FGGY: variants seen among roughly 807,000 people sequenced by gnomAD.
The protein encoded by FGGY is FGGY carbohydrate kinase domain-containing protein.
A neutral mutation model predicts 71.3 loss-of-function variants in FGGY; 72 were observed. The ratio of observed to expected loss-of-function variants is 1.01; its 90% CI spans 0.84 to 1.23. The LOEUF (loss-of-function observed/expected upper bound fraction) is 1.23. FGGY is among the 50% of genes most tolerant of loss of function. The pLI is 0.00. For missense variants in FGGY, 668 were observed against 682.3 expected (o/e 0.98, Z 0.23); for synonymous variants, 251 against 250.3 (o/e 1.00, Z -0.02).
At chr1:59,546,519 TGATGATG>T (rs761883099) in intron 7 of FGGY, among the ~76,000 whole-genome samples, 16 of 146,002 alleles carry the variant, frequency 1.1e-4, no homozygotes, top group East Asian at 7.9e-4. Flanking sequence ...ATGATGATGA[TGATGATG>T]ATGATGATGA....
rs533524875 is a variant in FGGY at position 59,651,799 on chromosome 1, T to C, written c.1222-8420T>C. Among the ~76,000 whole-genome samples, 117 of 151,370 alleles carry C rather than the reference T, an allele frequency of 7.7e-4. 1 individual carries two copies. The highest frequency in any genetic ancestry group is 6.2e-3 in the Admixed American group (94 of 15,220). On this transcript the variant is annotated intron_variant, in intron 11 of 15. Coordinates refer to ENST00000303721, the MANE Select transcript of FGGY (RefSeq NM_018291.5). ...TGTGAATTTGATCCTGTCATTATGA[T>C]GTTAGCTGGTGATTTTGCTCGTTAG... is the stretch of plus-strand genomic sequence containing the variant.
intron 7 of FGGY, among the ~76,000 whole-genome samples, chr1:59,537,490 A>G (rs1325200240): frequency 6.6e-6 from 1 of 152,228 alleles, no homozygotes; most frequent in Admixed American, 6.5e-5. Flanking sequence ...AGAATTGGAA[A>G]AAACTACTTT....
chr1:59,591,912 T>C (rs1200546901), intron 8 of FGGY, among the ~76,000 whole-genome samples: 1 of 152,158 alleles, frequency 6.6e-6, no homozygotes, highest in Non-Finnish European at 1.5e-5. Context: ...CCAAAAGCAA[T>C]GGCAACAAAA....
intron 6 of FGGY, among the ~76,000 whole-genome samples, chr1:59,463,819 C>T (rs1321469568): frequency 1.3e-5 from 2 of 152,188 alleles, no homozygotes; most frequent in African/African-American, 2.4e-5. Flanking sequence ...AGCTAACTAT[C>T]CTAAATACAT....
chr1:59,714,854 A>G (rs2097831117), intron 14 of FGGY, among the ~76,000 whole-genome samples: 1 of 152,192 alleles, frequency 6.6e-6, no homozygotes, highest in Non-Finnish European at 1.5e-5. Flanking sequence ...CTTGTATTTG[A>G]CATATGAAAA....
chr1:59,705,656 C>A (rs1220768948), intron 14 of FGGY, among the ~76,000 whole-genome samples: 1 of 152,196 alleles, frequency 6.6e-6, no homozygotes, highest in East Asian at 1.9e-4. Context: ...AACCAGCTTC[C>A]TCTACTTACC....
chr1:59,735,770 T>G (rs546515818), intron 14 of FGGY, among the ~76,000 whole-genome samples: 1 of 152,380 alleles, frequency 6.6e-6, no homozygotes, highest in African/African-American at 2.4e-5. Flanking sequence ...TCAACTGTAC[T>G]ATAGAAAAAT....
At chr1:59,519,116 T>G (rs902498975) in intron 7 of FGGY, among the ~76,000 whole-genome samples, 2 of 152,226 alleles carry the variant, frequency 1.3e-5, no homozygotes, top group African/African-American at 4.8e-5. Flanking sequence ...CTACCTAACA[T>G]TCTGAGCTAC....
intron 5 of FGGY, among the ~76,000 whole-genome samples, chr1:59,430,828 C>T (rs985444646): frequency 6.6e-6 from 1 of 151,958 alleles, no homozygotes; most frequent in Non-Finnish European, 1.5e-5. Flanking sequence ...CAGCCCTGTA[C>T]CTCTCCTGAG....
upstream of FGGY, chr1:59,296,566 C>T (rs1310971144): frequency 6.6e-6 from 1 of 152,438 alleles, no homozygotes; most frequent in Non-Finnish European, 1.5e-5. Context: ...GTTGGCTAGG[C>T]CCCAGGGAAC....
intron 5 of FGGY, among the ~76,000 whole-genome samples, chr1:59,449,489 T>A (rs554420816): frequency 6.6e-6 from 1 of 152,146 alleles, no homozygotes; most frequent in Non-Finnish European, 1.5e-5. Flanking sequence ...TTCACCATGT[T>A]GGTCAGGCTG....
At chr1:59,471,923 A>G (rs1214223272) in intron 6 of FGGY, among the ~76,000 whole-genome samples, 2 of 152,206 alleles carry the variant, frequency 1.3e-5, no homozygotes, top group Non-Finnish European at 1.5e-5. Flanking sequence ...GTGGCATTTT[A>G]TGTGTCTGGA....
intron 7 of FGGY, among the ~76,000 whole-genome samples, chr1:59,551,242 C>T (rs900273969): frequency 3.3e-5 from 5 of 152,288 alleles, no homozygotes; most frequent in Middle Eastern, 3.4e-3. Context: ...ATCCTTCTGT[C>T]TCCAAATTCC....
intron 1 of FGGY, among the ~76,000 whole-genome samples, chr1:59,317,932 C>G (rs1205534382): frequency 6.6e-6 from 1 of 152,170 alleles, no homozygotes; most frequent in Non-Finnish European, 1.5e-5. Context: ...GTGGAAGGGT[C>G]AGTCTCTGAA....
At chr1:59,750,643 T>G (rs1242339291) in intron 14 of FGGY, among the ~76,000 whole-genome samples, 1 of 152,190 alleles carries the variant, frequency 6.6e-6, no homozygotes, top group Non-Finnish European at 1.5e-5. Flanking sequence ...TGTCTCCAAT[T>G]CATGGGGGTT....
intron 13 of FGGY, among the ~76,000 whole-genome samples, chr1:59,669,436 G>A (rs1300119995): frequency 6.6e-6 from 1 of 151,008 alleles, no homozygotes; most frequent in Non-Finnish European, 1.5e-5. Context: ...CCTTATAATT[G>A]TCCTCAGGAG....
intron 5 of FGGY, among the ~76,000 whole-genome samples, chr1:59,386,597 A>C (rs2060103931): frequency 6.6e-6 from 1 of 151,588 alleles, no homozygotes; most frequent in Admixed American, 6.6e-5. Context: ...CAGCCCACAC[A>C]TAAGGAGTGG....
At chr1:59,530,371 T>C (rs935698454) in intron 7 of FGGY, among the ~76,000 whole-genome samples, 1 of 152,224 alleles carries the variant, frequency 6.6e-6, no homozygotes, top group African/African-American at 2.4e-5. Flanking sequence ...GTAACATATC[T>C]GCCTTTCATG....
At chr1:59,747,094 C>T (rs752125730) in intron 14 of FGGY, among the ~76,000 whole-genome samples, 1 of 152,134 alleles carries the variant, frequency 6.6e-6, no homozygotes, top group Non-Finnish European at 1.5e-5. Flanking sequence ...ACCTTCTCAG[C>T]CTCACATATC....
Sources: gnomAD v4.1 joint callset for allele counts (sites outside exome capture counted in the v4.1 genomes callset) on GRCh38, gnomAD v4.1.1 for gene constraint, MANE v1.5 for transcripts, NCBI Gene and HGNC (gene_info 2026-07-23, HGNC 2026-07-21) for gene names.